The following ADGRL2 variants were observed in gnomAD, a reference collection of about 807,000 sequenced individuals.
ADGRL2 encodes the protein calcium-independent alpha-latrotoxin receptor 2.
A neutral mutation model predicts 157.4 loss-of-function variants in ADGRL2; 44 were observed. The observed-to-expected ratio is 0.28, with a 90% CI of 0.22 to 0.36. The LOEUF is 0.36. Among genes scored for constraint, ADGRL2 ranks in the 10% least tolerant of loss-of-function variants. The pLI is 1.00. For synonymous variants in ADGRL2, 585 were observed against 624.7 expected (o/e 0.94, Z 0.95); for missense variants, 1,510 against 1,768.9 (o/e 0.85, Z 2.63).
chr1:81,606,784 G>GCA (rs2081444209), intron 3 of ADGRL2, among the ~76,000 whole-genome samples: 2 of 151,024 alleles, frequency 1.3e-5, no homozygotes, highest in African/African-American at 2.4e-5. Context: ...GCGCACGCGT[G>GCA]TGTGTGTGTT....
In ADGRL2 at chr1:81,970,469, G is replaced by T; in HGVS notation, c.2889G>T (p.Leu963Phe). ...RKKYYYVAGY[L>F]FPATVVGVSA... ...AATATTACTATGTTGCTGGTTACTT[G>T]TTTCCTGCCACAGTGGTTGGAGTTT... Residue 963 changes from leucine (L) to phenylalanine (F), a missense_variant, in exon 16 of 24, where the codon TTG becomes TTT. Leu to Phe is a conservative substitution (Grantham distance 22). This residue lies in a region of ADGRL2 where 497 missense variants were observed against 627.2 expected (regional missense o/e 0.79). Transcript: ENST00000686636. 1 of 1,571,664 alleles carries T rather than the reference G, an allele frequency of 6.4e-7. No homozygotes were observed. The highest frequency in any genetic ancestry group is 1.2e-5 in the South Asian group (1 of 83,794).
chr1:81,620,692 G>T (rs902359485), intron 3 of ADGRL2, among the ~76,000 whole-genome samples: 1 of 152,134 alleles, frequency 6.6e-6, no homozygotes, highest in Non-Finnish European at 1.5e-5. Flanking sequence ...TAGGAGAGAA[G>T]AATTCTGCCC....
chr1:81,436,145 T>C (rs939818360), intron 1 of ADGRL2, among the ~76,000 whole-genome samples: 1 of 152,142 alleles, frequency 6.6e-6, no homozygotes, highest in African/African-American at 2.4e-5. Context: ...TATTCAGCAC[T>C]GAAGTTGCAT....
Position 81,943,005 on chromosome 1 carries a change from A to G in ADGRL2, c.446A>G (p.Asp149Gly). 3.1e-6 allele frequency: 5 copies of G among 1,612,872 alleles called. No individual in the cohort carries two copies. Among genetic ancestry groups the G allele is most frequent in the Non-Finnish European group, 4.2e-6 (5 of 1,179,264 alleles). ...VCPGTLKAIVDSPCIYEAEQK... is the reference protein window; with the variant it reads ...VCPGTLKAIVGSPCIYEAEQK... ...CCTGGGACCTTGAAAGCAATTGTGG[A>G]CTCACCATGTATATATGAAGCTGAA... Residue 149 changes from aspartate (D) to glycine (G), a missense_variant, in exon 6 of 24, where the codon GAC (aspartate) becomes GGC (glycine). Physicochemically the swap from Asp to Gly is moderately conservative, Grantham distance 94 (BLOSUM62 -1). Coordinates refer to ENST00000686636, the MANE Select transcript of ADGRL2 (RefSeq NM_001366006.2). This position sits in a 1 kb window ranked among gnomAD's most constrained non-coding sequence, Gnocchi z 5.6.
At chr1:81,706,230 T>TG (rs1553142728) in intron 1 of ADGRL2, among the ~76,000 whole-genome samples, 13 of 151,564 alleles carry the variant, frequency 8.6e-5, no homozygotes, top group African/African-American at 3.1e-4. Context: ...AACAAAAAAA[T>TG]AAAAAAATTT....
chr1:81,474,021 G>GAAGAA (rs908215488), intron 2 of ADGRL2, among the ~76,000 whole-genome samples: 2 of 152,246 alleles, frequency 1.3e-5, no homozygotes, highest in South Asian at 4.1e-4. Flanking sequence ...ATGAGGAGAA[G>GAAGAA]AAGAGGGAGA....
intron 1 of ADGRL2, among the ~76,000 whole-genome samples, chr1:81,396,592 G>A (rs149022575): frequency 6.6e-6 from 1 of 152,112 alleles, no homozygotes; most frequent in Non-Finnish European, 1.5e-5. Context: ...TAGAGAAAAA[G>A]CTTTCAGCTT....
intron 3 of ADGRL2, among the ~76,000 whole-genome samples, chr1:81,604,922 T>C (rs748586996): frequency 1.3e-5 from 2 of 152,160 alleles, no homozygotes; most frequent in Non-Finnish European, 2.9e-5. Context: ...GAGAAAGATA[T>C]TATGTTTATT....
intron 17 of ADGRL2, among the ~76,000 whole-genome samples, chr1:81,972,452 A>G (rs1025018687): frequency 1.3e-5 from 2 of 152,158 alleles, no homozygotes; most frequent in African/African-American, 4.8e-5. Flanking sequence ...GAAGATACCA[A>G]ATGAATATAC....
intron 1 of ADGRL2, among the ~76,000 whole-genome samples, chr1:81,376,475 TTA>T (rs1464877930): frequency 1.3e-5 from 2 of 152,190 alleles, no homozygotes. Context: ...TATAACCTGG[TTA>T]ATACAATGAG....
chr1:81,311,587 C>T (rs1396702775), intron 1 of ADGRL2, among the ~76,000 whole-genome samples: 2 of 152,034 alleles, frequency 1.3e-5, no homozygotes, highest in Non-Finnish European at 2.9e-5. Context: ...ATCGAGTTAG[C>T]TTATGTTATA....
In ADGRL2 at chr1:81,817,887, A is replaced by G. The variant is rs192076150; in HGVS notation, c.-101+16819A>G. On this transcript the variant is annotated intron_variant, in intron 1 of 23. Transcript: ENST00000686636. Reference sequence around the variant, plus strand: ...GCTATGTGAATGATTTCTTTTGGCCAAGTGCGGTGTCTCATGCTTATAATC... The same window carrying G: ...GCTATGTGAATGATTTCTTTTGGCCGAGTGCGGTGTCTCATGCTTATAATC... Among the ~76,000 whole-genome samples, 640 of 152,178 alleles carry G rather than the reference A, an allele frequency of 4.2e-3. 3 individuals carry two copies. Among genetic ancestry groups the G allele is most frequent in the Non-Finnish European group, 6.4e-3 (432 of 67,990 alleles).
chr1:81,662,684 A>C (rs2082677134), intron 3 of ADGRL2, among the ~76,000 whole-genome samples: 1 of 151,684 alleles, frequency 6.6e-6, no homozygotes, highest in Non-Finnish European at 1.5e-5. Context: ...CCTCCTGAGT[A>C]GGTGGGATTA....
At position 81,337,083 on chromosome 1, in the gene ADGRL2, C is replaced by T. The variant is rs143112545; in HGVS notation, c.-302+30574C>T. The stretch of plus-strand genomic sequence containing the variant: ...AAAGAAGAGTTCAGCTGGGGATAGT[C>T]GATTTCCAGGGGAAGACTAGCTTCC... On this transcript the variant is annotated intron_variant, in intron 1 of 24. Coordinates refer to the ADGRL2 transcript ENST00000370721. Among the ~76,000 whole-genome samples the T allele has an allele frequency of 5.4e-3, 827 of 152,282 alleles. 7 individuals carry two copies. The highest frequency in any genetic ancestry group is 9.0e-3 in the Admixed American group (137 of 15,294).
rs571204024 is a variant in ADGRL2, at chr1:81,446,834, A to G, written c.-248+1745A>G. On this transcript the variant is annotated intron_variant, in intron 2 of 24. Coordinates refer to the ADGRL2 transcript ENST00000370721. The stretch of plus-strand genomic sequence containing the variant: ...AAATATGTGAAATTGATATTTTGAC[A>G]TAAGTGGAGATATCATTTGTTATAT... Among the ~76,000 whole-genome samples the G allele has an allele frequency of 3.3e-4, 50 of 152,316 alleles. 1 individual carries two copies. Among genetic ancestry groups the G allele is most frequent in the African/African-American group, 1.2e-3 (48 of 41,564 alleles).
intron 2 of ADGRL2, among the ~76,000 whole-genome samples, chr1:81,905,912 T>C: frequency 6.6e-6 from 1 of 151,632 alleles, no homozygotes; most frequent in East Asian, 1.9e-4. Flanking sequence ...GTATAGATAT[T>C]TCAGTACAAG....
At chr1:81,608,856 T>A (rs1040655751) in intron 3 of ADGRL2, among the ~76,000 whole-genome samples, 10 of 152,052 alleles carry the variant, frequency 6.6e-5, no homozygotes, top group Admixed American at 6.6e-4. Context: ...CTCCTTTTAT[T>A]CTCTTTTTGG....
At chr1:81,709,020 A>G (rs1293480233) in intron 1 of ADGRL2, among the ~76,000 whole-genome samples, 1 of 152,082 alleles carries the variant, frequency 6.6e-6, no homozygotes, top group Non-Finnish European at 1.5e-5. Flanking sequence ...ATAGAATCAA[A>G]CATTTTCTTC....
intron 3 of ADGRL2, among the ~76,000 whole-genome samples, chr1:81,587,607 C>T (rs1472384233): frequency 2.0e-5 from 3 of 152,192 alleles, no homozygotes; most frequent in South Asian, 2.1e-4. Context: ...TAAACAAAGC[C>T]TTGCATGTTA....
Sources: gnomAD v4.1 joint callset for allele counts (sites outside exome capture counted in the v4.1 genomes callset) on GRCh38, gnomAD v4.1.1 for gene constraint, gnomAD v4.1.1 regional missense constraint, Gnocchi (gnomAD v3.1) non-coding constraint, MANE v1.5 for transcripts, NCBI Gene and HGNC (gene_info 2026-07-23, HGNC 2026-07-21) for gene names.